Variants in ZNF385B observed in about 807,000 individuals in gnomAD.
ZNF385B encodes the protein zinc finger protein 385B.
ZNF385B carries 23 observed loss-of-function variants against 39.2 expected under a neutral mutation model. The observed-to-expected ratio is 0.59, with a 90% CI of 0.42 to 0.83. ZNF385B has a LOEUF of 0.83. Among genes scored for constraint, ZNF385B ranks in the 40% least tolerant of loss-of-function variants. The pLI, the probability that ZNF385B is intolerant of heterozygous loss-of-function variation, is 0.00. For missense variants in ZNF385B, 552 were observed against 598.9 expected (o/e 0.92, Z 0.82); for synonymous variants, 205 against 222.6 (o/e 0.92, Z 0.70).
chr2:179,536,697 T>C (rs6725869), intron 4 of ZNF385B, among the ~76,000 whole-genome samples: 7,719 of 152,280 alleles, frequency 0.051, 225 homozygotes, highest in South Asian at 0.087. Flanking sequence ...GAGCAACTTC[T>C]GTCTAATTCA....
intron 4 of ZNF385B, chr2:179,522,816 A>C (rs952520828): frequency 4.3e-5 from 16 of 375,016 alleles, no homozygotes; most frequent in African/African-American, 3.3e-4. Context: ...AGGAAATAAT[A>C]CTAAAGATGC....
chr2:179,565,831 T>A (rs970264008), intron 3 of ZNF385B, among the ~76,000 whole-genome samples: 1 of 152,252 alleles, frequency 6.6e-6, no homozygotes, highest in Non-Finnish European at 1.5e-5. Flanking sequence ...CCTCCGAAGC[T>A]GCAATGCATT....
chr2:179,547,773 G>C (rs970952377), intron 3 of ZNF385B, among the ~76,000 whole-genome samples: 1 of 149,538 alleles, frequency 6.7e-6, no homozygotes, highest in African/African-American at 2.5e-5. Context: ...TTGGTATTTT[G>C]ATAGGGATTG....
chr2:179,773,686 A>G (rs1481032238), intron 1 of ZNF385B, among the ~76,000 whole-genome samples: 1 of 152,204 alleles, frequency 6.6e-6, no homozygotes, highest in Non-Finnish European at 1.5e-5. Context: ...AGAGGGCAAG[A>G]CGCCAGGGAG....
intron 3 of ZNF385B, among the ~76,000 whole-genome samples, chr2:179,676,502 G>A (rs1214689905): frequency 1.3e-5 from 2 of 152,214 alleles, no homozygotes; most frequent in African/African-American, 4.8e-5. Flanking sequence ...GGGATTACAG[G>A]CGTGAGGCCG....
At chr2:179,855,069 C>G (rs898884948) in intron 1 of ZNF385B, among the ~76,000 whole-genome samples, 3 of 151,864 alleles carry the variant, frequency 2.0e-5, no homozygotes, top group African/African-American at 7.3e-5. Context: ...CAGAGCACCT[C>G]TTTTATTTAT....
intron 3 of ZNF385B, among the ~76,000 whole-genome samples, chr2:179,565,173 C>T (rs964489096): frequency 8.5e-5 from 13 of 152,166 alleles, no homozygotes; most frequent in African/African-American, 3.1e-4. Context: ...ACTCAAACAT[C>T]TCCTGTGGCT....
chr2:179,586,934 G>A (rs1022583578), intron 3 of ZNF385B, among the ~76,000 whole-genome samples: 3 of 152,254 alleles, frequency 2.0e-5, no homozygotes, highest in Non-Finnish European at 2.9e-5. Flanking sequence ...AGCTACTCAG[G>A]AGGCTGAGGC....
intron 6 of ZNF385B, among the ~76,000 whole-genome samples, chr2:179,457,362 G>C (rs1031053289): frequency 2.6e-5 from 4 of 152,010 alleles, no homozygotes; most frequent in Non-Finnish European, 5.9e-5. Flanking sequence ...TTTTTTGGTA[G>C]ACATAAATAC....
At chr2:179,518,362 T>G (rs1012387244) in intron 5 of ZNF385B, among the ~76,000 whole-genome samples, 166 bp downstream of exon 5, 1 of 152,216 alleles carries the variant, frequency 6.6e-6, no homozygotes, top group Non-Finnish European at 1.5e-5. Context: ...TGTTCAAGTT[T>G]TAGGCATTGA....
chr2:179,811,930 A>C (rs1296118711), intron 1 of ZNF385B, among the ~76,000 whole-genome samples: 1 of 152,200 alleles, frequency 6.6e-6, no homozygotes, highest in African/African-American at 2.4e-5. Flanking sequence ...TCCAGTCTAT[A>C]GGGAACTTAA....
chr2:179,686,786 A>C (rs1346871615), intron 3 of ZNF385B, among the ~76,000 whole-genome samples: 1 of 152,158 alleles, frequency 6.6e-6, no homozygotes, highest in Non-Finnish European at 1.5e-5. Flanking sequence ...TTAATCTACT[A>C]AAAACTGAAT....
intron 3 of ZNF385B, among the ~76,000 whole-genome samples, chr2:179,718,126 A>G (rs921498885): frequency 6.6e-6 from 1 of 152,016 alleles, no homozygotes; most frequent in African/African-American, 2.4e-5. Context: ...TATTCTACCA[A>G]TATTTTAAAT....
rs140055251 is a variant in ZNF385B at position 179,790,526 on chromosome 2, A to G, written c.-154-19854T>C. 1.1e-4 allele frequency among the ~76,000 whole-genome samples: 16 copies of G among 152,332 alleles called. No homozygotes were observed. The East Asian group carries it at 3.1e-3, about 29-fold the overall frequency. ...AAATAAAAGTACTTCTTGAAATGCT[A>G]AGAAACTTGTGTGTTCAGATGGTTC... On this transcript the variant is annotated intron_variant, in intron 1 of 9. Transcript: ENST00000410066.
At chr2:179,820,346 T>C (rs1707330585) in intron 1 of ZNF385B, among the ~76,000 whole-genome samples, 1 of 152,086 alleles carries the variant, frequency 6.6e-6, no homozygotes, top group South Asian at 2.1e-4. Context: ...TTTTCTCATT[T>C]CTAAATTTGT....
intron 4 of ZNF385B, among the ~76,000 whole-genome samples, chr2:179,523,749 C>T (rs1210961890): frequency 6.6e-6 from 1 of 152,026 alleles, no homozygotes; most frequent in East Asian, 1.9e-4. Flanking sequence ...ACCCCCATTA[C>T]GAAACAAAAA....
intron 3 of ZNF385B, among the ~76,000 whole-genome samples, chr2:179,739,359 G>T (rs188981226): frequency 6.6e-6 from 1 of 152,270 alleles, no homozygotes; most frequent in East Asian, 1.9e-4. Context: ...GGGGTTTATC[G>T]ATTATAGAAC....
chr2:179,643,669 A>G (rs1472032157), intron 3 of ZNF385B, among the ~76,000 whole-genome samples: 1 of 152,168 alleles, frequency 6.6e-6, no homozygotes, highest in Admixed American at 6.5e-5. Flanking sequence ...AGGTAAAACT[A>G]TAGTGGTGGA....
At chr2:179,745,924 G>C in intron 3 of ZNF385B, 8 of 1,242,020 alleles carry the variant, frequency 6.4e-6, no homozygotes, top group Non-Finnish European at 8.1e-6. Flanking sequence ...ACTGCTCATT[G>C]AAAATCCTTT....
Sources: gnomAD v4.1 joint callset for allele counts (sites outside exome capture counted in the v4.1 genomes callset) on GRCh38, gnomAD v4.1.1 for gene constraint, MANE v1.5 for transcripts, NCBI Gene and HGNC (gene_info 2026-07-23, HGNC 2026-07-21) for gene names.